The following SNTB1 variants were observed in gnomAD, a reference collection of about 807,000 sequenced individuals.
SNTB1 encodes the protein syntrophin beta 1.
Under a neutral mutation model 48.9 loss-of-function variants are expected in SNTB1, and 36 were observed. That is an observed-to-expected ratio of 0.74 (90% CI 0.56 to 0.97). SNTB1 has a LOEUF of 0.97. Among genes scored for constraint, SNTB1 ranks in the 50% least tolerant of loss-of-function variants. The pLI, the probability that SNTB1 is intolerant of heterozygous loss-of-function variation, is 0.00. For synonymous variants in SNTB1, 299 were observed against 294.6 expected (o/e 1.01, Z -0.15); for missense variants, 786 against 703.4 (o/e 1.12, Z -1.33).
At chr8:120,764,564 T>C (rs1819483202) in intron 1 of SNTB1, among the ~76,000 whole-genome samples, 1 of 152,204 alleles carries the variant, frequency 6.6e-6, no homozygotes, top group Non-Finnish European at 1.5e-5. Flanking sequence ...ATTTTTCTAA[T>C]GTTTGTATTA....
intron 1 of SNTB1, among the ~76,000 whole-genome samples, chr8:120,805,488 G>T (rs934204515): frequency 6.6e-6 from 1 of 152,056 alleles, no homozygotes; most frequent in African/African-American, 2.4e-5. Flanking sequence ...TTTCAAAATG[G>T]AATGGGACCA....
intron 6 of SNTB1, among the ~76,000 whole-genome samples, chr8:120,540,296 A>C (rs767679673): frequency 6.6e-6 from 1 of 152,174 alleles, no homozygotes; most frequent in Non-Finnish European, 1.5e-5. Flanking sequence ...TTAAACAGAC[A>C]TAGGGGGTAG....
intron 2 of SNTB1, among the ~76,000 whole-genome samples, chr8:120,658,626 CTT>C (rs933262579): frequency 4.6e-5 from 7 of 152,204 alleles, no homozygotes; most frequent in Non-Finnish European, 5.9e-5. Flanking sequence ...AATGTACACA[CTT>C]TAACTTAAAA....
intron 3 of SNTB1, among the ~76,000 whole-genome samples, chr8:120,579,928 A>G (rs1191211937): frequency 6.6e-6 from 1 of 152,214 alleles, no homozygotes; most frequent in Non-Finnish European, 1.5e-5. Flanking sequence ...TTTTACTATT[A>G]AGGAGAGTGC....
At chr8:120,655,054 A>G in intron 2 of SNTB1, 1 of 450,732 alleles carries the variant, frequency 2.2e-6, no homozygotes, top group African/African-American at 2.0e-5. Flanking sequence ...ATACTTCTCA[A>G]CAGACAAATA....
intron 1 of SNTB1, among the ~76,000 whole-genome samples, chr8:120,788,163 T>A (rs935506590): frequency 6.6e-6 from 1 of 152,142 alleles, no homozygotes; most frequent in African/African-American, 2.4e-5. Context: ...TAGTCTTTTT[T>A]AGGTGAGCAA....
At chr8:120,773,484 A>G (rs564183831) in intron 1 of SNTB1, among the ~76,000 whole-genome samples, 1 of 152,346 alleles carries the variant, frequency 6.6e-6, no homozygotes, top group African/African-American at 2.4e-5. Context: ...GATGAAACGT[A>G]CCAGGCCTTA....
At chr8:120,777,053 TC>T (rs1471560992) in intron 1 of SNTB1, among the ~76,000 whole-genome samples, 1 of 152,184 alleles carries the variant, frequency 6.6e-6, no homozygotes, top group African/African-American at 2.4e-5. Context: ...AGGATACATT[TC>T]TACCACTAGA....
chr8:120,668,728 C>A (rs1303095242), intron 2 of SNTB1, among the ~76,000 whole-genome samples: 1 of 152,128 alleles, frequency 6.6e-6, no homozygotes, highest in Non-Finnish European at 1.5e-5. Flanking sequence ...CTGGCGCCTG[C>A]CAACATCACC....
At chr8:120,565,960 G>A (rs1048464479) in intron 4 of SNTB1, among the ~76,000 whole-genome samples, 1 of 152,176 alleles carries the variant, frequency 6.6e-6, no homozygotes, top group African/African-American at 2.4e-5. Context: ...TGTAATCTCA[G>A]CACTTTGGGA....
intron 1 of SNTB1, among the ~76,000 whole-genome samples, chr8:120,801,976 T>C (rs917697239): frequency 1.1e-4 from 17 of 152,138 alleles, no homozygotes; most frequent in African/African-American, 4.1e-4. Flanking sequence ...CATTTTTCCC[T>C]GCATTGAAGA....
At chr8:120,794,746 C>T (rs1036584315) in intron 1 of SNTB1, among the ~76,000 whole-genome samples, 2 of 152,022 alleles carry the variant, frequency 1.3e-5, no homozygotes, top group Non-Finnish European at 2.9e-5. Context: ...TTAGTTGCTG[C>T]TCTAAGCTCT....
At chr8:120,611,342 A>G (rs1349014581) in intron 3 of SNTB1, among the ~76,000 whole-genome samples, 1 of 93,826 alleles carries the variant, frequency 1.1e-5, no homozygotes, top group Non-Finnish European at 2.4e-5. Flanking sequence ...GCAAATAGCA[A>G]TTAGAAGCTC....
chr8:120,681,547 T>C (rs1377053332), intron 2 of SNTB1, among the ~76,000 whole-genome samples: 1 of 151,902 alleles, frequency 6.6e-6, no homozygotes, highest in African/African-American at 2.4e-5. Flanking sequence ...CTAAATGAAG[T>C]CTGTATGCTG....
At chr8:120,713,656 G>A (rs1207771773) in intron 1 of SNTB1, among the ~76,000 whole-genome samples, 2 of 152,176 alleles carry the variant, frequency 1.3e-5, no homozygotes, top group Non-Finnish European at 2.9e-5. Flanking sequence ...CTTGAACCTG[G>A]GAGGCGAAGC....
At chr8:120,601,988 A>G (rs1190380567) in intron 3 of SNTB1, among the ~76,000 whole-genome samples, 1 of 152,246 alleles carries the variant, frequency 6.6e-6, no homozygotes, top group African/African-American at 2.4e-5. Context: ...TCTTTAAGTT[A>G]GAGGCAAAAC....
chr8:120,567,370 T>C (rs1815769940), intron 4 of SNTB1, among the ~76,000 whole-genome samples: 1 of 151,000 alleles, frequency 6.6e-6, no homozygotes, highest in Non-Finnish European at 1.5e-5. Flanking sequence ...AGCCTTGATC[T>C]ATGCCAAATA....
At chr8:120,619,689 A>C (rs546956234) in intron 3 of SNTB1, among the ~76,000 whole-genome samples, 1 of 152,270 alleles carries the variant, frequency 6.6e-6, no homozygotes, top group South Asian at 2.1e-4. Flanking sequence ...TTCATGATTT[A>C]ATACAGTTTT....
rs896821816 is a variant in SNTB1 at position 120,731,356 on chromosome 8, A to G, written c.572-37448T>C. ...AAGTATACAACCACAATATACAGGA[A>G]ACACACGTGTTCTGTAAAAAGGGGC... is the stretch of plus-strand genomic sequence containing the variant. On this transcript the variant is annotated intron_variant, in intron 1 of 6. Coordinates refer to ENST00000517992, the MANE Select transcript of SNTB1 (RefSeq NM_021021.4). Among the ~76,000 whole-genome samples, 14 of 152,302 alleles carry G rather than the reference A, an allele frequency of 9.2e-5. No individual in the cohort carries two copies. The East Asian group carries it at 2.7e-3, about 29-fold the overall frequency.
Sources: allele counts gnomAD v4.1 joint callset (sites outside exome capture counted in the v4.1 genomes callset), GRCh38; gene constraint gnomAD v4.1.1; transcripts MANE v1.5; gene names NCBI Gene and HGNC (gene_info 2026-07-23, HGNC 2026-07-21).